PPA2: variants seen among roughly 807,000 people sequenced by gnomAD.
PPA2 encodes the protein inorganic pyrophosphatase 2, mitochondrial.
In PPA2, 48 loss-of-function variants were observed where a neutral mutation model predicts 49.5. The observed-to-expected ratio is 0.97, with a 90% CI of 0.77 to 1.23. The LOEUF (loss-of-function observed/expected upper bound fraction) is 1.23, where lower values mean the gene tolerates loss of function less well. PPA2 is among the 50% of genes most tolerant of loss of function. The pLI is 0.00. For missense variants in PPA2, 429 were observed against 410.1 expected, an observed-to-expected ratio of 1.05 and a Z score of -0.40; for synonymous variants, 131 against 139.9, an observed-to-expected ratio of 0.94 and a Z score of 0.45.
At chr4:105,405,935 A>C in intron 7 of PPA2, 1 of 428,918 alleles carries the variant, frequency 2.3e-6, no homozygotes, top group South Asian at 1.7e-5. Context: ...TATATACTGG[A>C]ATATTTCTGA....
At chr4:105,437,791 G>C (rs1051045117) in intron 6 of PPA2, among the ~76,000 whole-genome samples, 159 bp downstream of exon 6, 1 of 152,052 alleles carries the variant, frequency 6.6e-6, no homozygotes, top group Non-Finnish European at 1.5e-5. Context: ...ACCAACCCCT[G>C]GTTTAAGACA....
chr4:105,432,907 T>C (rs1267236483), intron 6 of PPA2, among the ~76,000 whole-genome samples: 1 of 152,190 alleles, frequency 6.6e-6, no homozygotes, highest in African/African-American at 2.4e-5. Flanking sequence ...TTACTAGCAA[T>C]GTAAGTTTGG....
Position 105,370,820 on chromosome 4 carries a change from A to C in PPA2, c.976+17T>G. 7.1e-7 allele frequency: 1 copy of C among 1,416,600 alleles called. No individual in the cohort carries two copies. The highest frequency in any genetic ancestry group is 1.5e-5 in the South Asian group (1 of 68,672). 87.8% of individuals were successfully genotyped at this position (1,416,600 alleles called of 1,614,324 possible). A position where few individuals can be genotyped will look rare whatever the true frequency, so the allele number is the denominator to read the frequency against. The stretch of plus-strand genomic sequence containing the variant: ...AATTTATACATGTTACTCTTAATGA[A>C]TCAAAATATACTATACCTTCTTCAT... On this transcript the variant is annotated intron_variant, in intron 11 of 11. Coordinates refer to ENST00000341695, the MANE Select transcript of PPA2 (RefSeq NM_176869.3).
At chr4:105,389,666 A>T (rs72964211) in intron 9 of PPA2, among the ~76,000 whole-genome samples, 5,011 of 152,168 alleles carry the variant, frequency 0.033, 276 homozygotes, top group African/African-American at 0.11. Flanking sequence ...TACTAGACAG[A>T]TAATAGTGTT....
chr4:105,442,908 CA>C (rs1724432392), intron 5 of PPA2, among the ~76,000 whole-genome samples: 1 of 152,148 alleles, frequency 6.6e-6, no homozygotes, highest in Non-Finnish European at 1.5e-5. Flanking sequence ...GCCTATGAAA[CA>C]AATGTGACAC....
chr4:105,459,579 A>G (rs538184973), intron 1 of PPA2, among the ~76,000 whole-genome samples: 1 of 152,354 alleles, frequency 6.6e-6, no homozygotes, highest in South Asian at 2.1e-4. Context: ...TAACTGAGAA[A>G]TAAAAACATG....
intron 7 of PPA2, among the ~76,000 whole-genome samples, chr4:105,407,663 GAACT>G (rs1722545395): frequency 6.6e-6 from 1 of 152,110 alleles, no homozygotes; most frequent in African/African-American, 2.4e-5. Context: ...AAATTAGGAA[GAACT>G]AACCTGATAC....
intron 1 of PPA2, among the ~76,000 whole-genome samples, chr4:105,465,665 G>A (rs554316562): frequency 6.6e-6 from 1 of 152,224 alleles, no homozygotes; most frequent in East Asian, 1.9e-4. Context: ...AAAATTCTAG[G>A]AGGAAAACTC....
At chr4:105,425,767 T>C (rs1345288984) in intron 6 of PPA2, among the ~76,000 whole-genome samples, 5 of 130,070 alleles carry the variant, frequency 3.8e-5, no homozygotes, top group Non-Finnish European at 8.3e-5. Context: ...CACACACCCA[T>C]CAGAATAAAC....
chr4:105,454,762 A>C (rs899404091), intron 2 of PPA2, among the ~76,000 whole-genome samples: 4 of 152,142 alleles, frequency 2.6e-5, no homozygotes, highest in African/African-American at 9.7e-5. Flanking sequence ...TCCAGAATTC[A>C]CTGGCATATC....
intron 7 of PPA2, among the ~76,000 whole-genome samples, chr4:105,411,158 T>C (rs1001040652): frequency 1.3e-5 from 2 of 152,146 alleles, no homozygotes; most frequent in African/African-American, 2.4e-5. Flanking sequence ...GTGTGCTGTA[T>C]TCAGAAGATG....
chr4:105,411,202 T>C (rs1722739473), intron 7 of PPA2, among the ~76,000 whole-genome samples: 1 of 151,664 alleles, frequency 6.6e-6, no homozygotes, highest in Non-Finnish European at 1.5e-5. Context: ...TTGCTCAAAA[T>C]AAAGGATGGA....
chr4:105,453,280 T>TTTC (rs1362863903), intron 3 of PPA2, among the ~76,000 whole-genome samples: 2 of 152,024 alleles, frequency 1.3e-5, no homozygotes, highest in African/African-American at 4.8e-5. Flanking sequence ...ACGTGTAGAG[T>TTTC]TTCAGCTTGG....
intron 2 of PPA2, among the ~76,000 whole-genome samples, chr4:105,454,558 T>C (rs1296515824): frequency 1.3e-5 from 2 of 152,002 alleles, no homozygotes; most frequent in African/African-American, 2.4e-5. Context: ...ATGGTCTTGA[T>C]CTCCTGACCT....
chr4:105,449,045 C>T lies in PPA2; in HGVS notation c.321+305G>A, dbSNP rs910739536. ...CATCCCGGCTAAAACGGTGAAACCC[C>T]GTCTCTACTAAAACTACAAAAAATA... On this transcript the variant is annotated intron_variant, in intron 4 of 11. Transcript: ENST00000341695. Among the ~76,000 whole-genome samples the T allele has an allele frequency of 3.1e-5, 4 of 130,716 alleles. 1 individual carries two copies. Among genetic ancestry groups the T allele is most frequent in the African/African-American group, 1.1e-4 (3 of 26,962 alleles). 85.8% of individuals were successfully genotyped at this position (130,716 alleles called of 152,430 possible).
At chr4:105,439,399 C>T (rs1724228185) in intron 5 of PPA2, among the ~76,000 whole-genome samples, 1 of 152,102 alleles carries the variant, frequency 6.6e-6, no homozygotes, top group Non-Finnish European at 1.5e-5. Context: ...TTTCAAATAC[C>T]TTCTCTTACT....
intron 3 of PPA2, 113 bp downstream of exon 3, chr4:105,453,485 A>AT: frequency 1.4e-6 from 1 of 722,200 alleles, no homozygotes; most frequent in Non-Finnish European, 2.1e-6. Flanking sequence ...AATGCACATG[A>AT]AAGTCTTGCA....
At chr4:105,473,603 C>G (rs1326160116) in intron 1 of PPA2, 10 of 638,866 alleles carry the variant, frequency 1.6e-5, no homozygotes, top group Non-Finnish European at 2.9e-5. Flanking sequence ...CTCTGCCTAC[C>G]CCTCGGGGAG....
intron 6 of PPA2, among the ~76,000 whole-genome samples, chr4:105,426,087 G>A (rs988736281): frequency 6.6e-6 from 1 of 152,120 alleles, no homozygotes; most frequent in African/African-American, 2.4e-5. Flanking sequence ...AGGAGGTTAT[G>A]TGTGTGTATA....
Sources: allele counts gnomAD v4.1 joint callset (sites outside exome capture counted in the v4.1 genomes callset), GRCh38; gene constraint gnomAD v4.1.1; transcripts MANE v1.5; gene names NCBI Gene and HGNC (gene_info 2026-07-23, HGNC 2026-07-21).